The following EPHA6 variants were observed in gnomAD, a reference collection of about 807,000 sequenced individuals.
EPHA6 encodes the protein EPH receptor A6.
Under a neutral mutation model 112.0 loss-of-function variants are expected in EPHA6, and 50 were observed. The observed-to-expected ratio is 0.45, with a 90% CI of 0.36 to 0.56. The LOEUF (loss-of-function observed/expected upper bound fraction) is 0.56. EPHA6 is among the 20% of genes least tolerant of loss of function. The pLI, the probability that EPHA6 is intolerant of heterozygous loss-of-function variation, is 0.00. For synonymous variants in EPHA6, 529 were observed against 490.7 expected (o/e 1.08, Z -1.03); for missense variants, 1,280 against 1,417.4 (o/e 0.90, Z 1.56).
chr3:97,306,455 AG>A (rs2081324875), intron 5 of EPHA6, among the ~76,000 whole-genome samples: 1 of 151,810 alleles, frequency 6.6e-6, no homozygotes, highest in Non-Finnish European at 1.5e-5. Context: ...TGGAAGTGTG[AG>A]GATAGCATCC....
intron 3 of EPHA6, among the ~76,000 whole-genome samples, chr3:97,029,345 T>A (rs934234079): frequency 3.3e-5 from 5 of 151,744 alleles, no homozygotes; most frequent in African/African-American, 1.2e-4. Context: ...TCCCCTGTGA[T>A]GTTTTTAATA....
At chr3:97,592,837 A>G (rs368470888) in intron 12 of EPHA6, 100 bp downstream of exon 12, 16 of 1,283,822 alleles carry the variant, frequency 1.2e-5, no homozygotes, top group African/African-American at 7.7e-5. Flanking sequence ...GCTTAAATAT[A>G]TTGTGGAAAA....
intron 10 of EPHA6, among the ~76,000 whole-genome samples, chr3:97,494,809 A>G (rs1180858069): frequency 6.6e-6 from 1 of 152,262 alleles, no homozygotes; most frequent in South Asian, 2.1e-4. Context: ...ACACCACACC[A>G]TTACCCTTCA....
At chr3:97,062,777 G>A (rs1374199173) in intron 3 of EPHA6, among the ~76,000 whole-genome samples, 1 of 152,088 alleles carries the variant, frequency 6.6e-6, no homozygotes. Flanking sequence ...CACCATGATT[G>A]TGAGGCCTCC....
At chr3:96,872,664 T>C (rs1423838288) in intron 2 of EPHA6, among the ~76,000 whole-genome samples, 1 of 152,098 alleles carries the variant, frequency 6.6e-6, no homozygotes, top group East Asian at 1.9e-4. Context: ...TCCACTGTTA[T>C]TGCTTGCATG....
chr3:97,546,226 T>C (rs2092946179), intron 11 of EPHA6, among the ~76,000 whole-genome samples: 1 of 152,378 alleles, frequency 6.6e-6, no homozygotes, highest in South Asian at 2.1e-4. Flanking sequence ...CCATGTTTAG[T>C]GCTTCCTTCG....
intron 11 of EPHA6, among the ~76,000 whole-genome samples, chr3:97,539,257 C>G (rs1469821633): frequency 2.0e-5 from 3 of 151,420 alleles, no homozygotes; most frequent in Non-Finnish European, 4.4e-5. Context: ...AAGCAATTCT[C>G]CTGCGGCAGC....
At chr3:97,124,008 T>A (rs565032986) in intron 3 of EPHA6, among the ~76,000 whole-genome samples, 1 of 152,250 alleles carries the variant, frequency 6.6e-6, no homozygotes, top group Non-Finnish European at 1.5e-5. Context: ...CAATGCTTTA[T>A]TTCTATGGAA....
intron 14 of EPHA6, among the ~76,000 whole-genome samples, chr3:97,702,066 A>G (rs1400221298): frequency 6.6e-6 from 1 of 152,182 alleles, no homozygotes; most frequent in African/African-American, 2.4e-5. Flanking sequence ...TTGTACTGTC[A>G]AGGCTAGTGT....
chr3:96,971,771 A>G (rs2042324743), intron 2 of EPHA6, among the ~76,000 whole-genome samples: 1 of 152,160 alleles, frequency 6.6e-6, no homozygotes. Flanking sequence ...AAGATGAAGA[A>G]TGTTTGGAAC....
chr3:97,134,053 C>CT (rs750939101), intron 3 of EPHA6, among the ~76,000 whole-genome samples: 6 of 151,894 alleles, frequency 4.0e-5, no homozygotes, highest in Non-Finnish European at 7.4e-5. Flanking sequence ...AAAAAAGAGC[C>CT]TACATAAATG....
intron 14 of EPHA6, among the ~76,000 whole-genome samples, chr3:97,686,425 T>C (rs141205331): frequency 6.6e-6 from 1 of 152,250 alleles, no homozygotes; most frequent in African/African-American, 2.4e-5. Flanking sequence ...AGAAATAAGA[T>C]CTATCCCTAG....
chr3:97,076,931 C>G (rs1450462675), intron 3 of EPHA6, among the ~76,000 whole-genome samples: 1 of 152,094 alleles, frequency 6.6e-6, no homozygotes, highest in Non-Finnish European at 1.5e-5. Flanking sequence ...AAAAATGATT[C>G]CTCTCAAAAT....
chr3:97,135,978 G>A (rs1403097760), intron 3 of EPHA6, among the ~76,000 whole-genome samples: 2 of 152,126 alleles, frequency 1.3e-5, no homozygotes, highest in Non-Finnish European at 2.9e-5. Flanking sequence ...GCATTATATA[G>A]ACGGAGTCTT....
intron 5 of EPHA6, among the ~76,000 whole-genome samples, chr3:97,304,712 A>T (rs955729068): frequency 6.6e-6 from 1 of 152,014 alleles, no homozygotes; most frequent in Non-Finnish European, 1.5e-5. Flanking sequence ...TTGAAATTGG[A>T]CCCCTTCCTT....
chr3:97,683,327 A>G (rs1488144489), intron 14 of EPHA6, among the ~76,000 whole-genome samples: 1 of 152,130 alleles, frequency 6.6e-6, no homozygotes, highest in African/African-American at 2.4e-5. Flanking sequence ...ATCATTACAC[A>G]TCCTCTTATA....
At chr3:97,089,763 A>G (rs981722114) in intron 3 of EPHA6, among the ~76,000 whole-genome samples, 1 of 152,086 alleles carries the variant, frequency 6.6e-6, no homozygotes, top group Non-Finnish European at 1.5e-5. Flanking sequence ...CTCTAGAAGT[A>G]GGAAGTGACT....
At chr3:97,641,745 A>G (rs1224883225) in intron 14 of EPHA6, among the ~76,000 whole-genome samples, 3 of 152,214 alleles carry the variant, frequency 2.0e-5, no homozygotes, top group Non-Finnish European at 2.9e-5. Flanking sequence ...CTTAAAAAAC[A>G]GCGCACCACG....
Position 97,032,690 on chromosome 3 carries a change from T to A in EPHA6, c.1114+44697T>A, listed in dbSNP as rs1023201003. On this transcript the variant is annotated intron_variant, in intron 3 of 17. Coordinates refer to ENST00000389672, the MANE Select transcript of EPHA6 (RefSeq NM_001080448.3). The stretch of plus-strand genomic sequence containing the variant: ...AATTCTAATCTGAACTTCTTGCTGA[T>A]TCTTGTCATGAAACTCTCTGTACCA... Among the ~76,000 whole-genome samples, 3 of 151,958 alleles carry A rather than the reference T, an allele frequency of 2.0e-5. No homozygotes were observed. In the East Asian group the frequency reaches 5.8e-4, roughly 29 times the overall value.
Sources: gnomAD v4.1 joint callset for allele counts (sites outside exome capture counted in the v4.1 genomes callset) on GRCh38, gnomAD v4.1.1 for gene constraint, MANE v1.5 for transcripts, NCBI Gene and HGNC (gene_info 2026-07-23, HGNC 2026-07-21) for gene names.